The following TRPS1 variants were observed in gnomAD, a reference collection of about 807,000 sequenced individuals.
The protein encoded by TRPS1 is zinc finger transcription factor Trps1.
A neutral mutation model predicts 101.2 loss-of-function variants in TRPS1; 6 were observed. The ratio of observed to expected loss-of-function variants is 0.06; its 90% CI spans 0.03 to 0.12. The LOEUF (loss-of-function observed/expected upper bound fraction) is 0.12. Among genes scored for constraint, TRPS1 ranks in the 10% least tolerant of loss-of-function variants. The pLI is 1.00. For synonymous variants in TRPS1, 578 were observed against 589.8 expected, an observed-to-expected ratio of 0.98 and a Z score of 0.29; for missense variants, 1,363 against 1,567.0, an observed-to-expected ratio of 0.87 and a Z score of 2.20.
chr8:115,463,454 T>G (rs533382137), intron 5 of TRPS1, among the ~76,000 whole-genome samples: 4 of 152,190 alleles, frequency 2.6e-5, no homozygotes, highest in Non-Finnish European at 5.9e-5. Context: ...TCTAAATTCC[T>G]AGACACAACA....
intron 5 of TRPS1, among the ~76,000 whole-genome samples, chr8:115,503,789 G>A (rs1261323810): frequency 4.6e-5 from 7 of 152,154 alleles, no homozygotes; most frequent in Non-Finnish European, 1.0e-4. Context: ...TTATTTATGA[G>A]CTGATAGAAA....
chr8:115,563,935 T>C (rs1209532927), intron 5 of TRPS1, among the ~76,000 whole-genome samples: 1 of 152,066 alleles, frequency 6.6e-6, no homozygotes, highest in African/African-American at 2.4e-5. Context: ...TCTGCCACCG[T>C]TGGAAAAAAA....
rs1359621264 is a variant in TRPS1 at position 115,604,664 on chromosome 8, G to C, written c.1305C>G (p.Ser435=). ...TGGCCTCTGTACCATTTTGTCTAGA[G>C]GAATCGAGGGGCTTTATGGGCACTG... is the stretch of plus-strand genomic sequence containing the variant. The part of the protein sequence containing the change: ...GYSVPIKPLD[S]SRQNGTEATS... The change falls in exon 4 of 7, where the codon TCC becomes TCG. Residue 435 remains serine (S), a synonymous_variant. Transcript: ENST00000395715. The surrounding 1 kb of genome is among the most constrained non-coding windows in gnomAD (Gnocchi z 4.1). 1.2e-6 allele frequency: 2 copies of C among 1,613,856 alleles called. No homozygotes were observed. Among genetic ancestry groups the C allele is most frequent in the African/African-American group, 2.7e-5 (2 of 74,874 alleles).
chr8:115,580,658 C>A (rs1254681910), intron 5 of TRPS1, among the ~76,000 whole-genome samples: 1 of 152,116 alleles, frequency 6.6e-6, no homozygotes, highest in Non-Finnish European at 1.5e-5. Flanking sequence ...TAGCTGCAAA[C>A]CTACAGTCCA....
chr8:115,413,718 C>T lies in TRPS1; in HGVS notation c.*305G>A. ...CTCTTTCTTTATAAATATATTAATT[C>T]TAGTCTGGTGATATCTCTTATGGAT... On this transcript the variant is annotated 3_prime_UTR_variant, in exon 7 of 7. Transcript: ENST00000395715. The T allele has an allele frequency of 3.3e-6, 1 of 301,270 alleles. No individual in the cohort carries two copies. Among genetic ancestry groups the T allele is most frequent in the Non-Finnish European group, 6.2e-6 (1 of 162,068 alleles). 18.7% of individuals were successfully genotyped at this position (301,270 alleles called of 1,614,324 possible). A position where few individuals can be genotyped will look rare whatever the true frequency, so the allele number is the denominator to read the frequency against.
intron 5 of TRPS1, among the ~76,000 whole-genome samples, chr8:115,581,852 A>G (rs879647555): frequency 1.3e-5 from 2 of 152,200 alleles, no homozygotes; most frequent in Non-Finnish European, 2.9e-5. Context: ...AGTTTAAATC[A>G]TATATTTTTC....
intron 4 of TRPS1, among the ~76,000 whole-genome samples, chr8:115,602,227 A>G (rs1449617809): frequency 6.6e-6 from 1 of 152,146 alleles, no homozygotes; most frequent in African/African-American, 2.4e-5. Flanking sequence ...CTCATGATTA[A>G]AGAAAATCAT....
Position 115,418,556 on chromosome 8 carries a change from G to A in TRPS1, c.2701-104C>T. 2.7e-6 allele frequency: 4 copies of A among 1,503,036 alleles called. No individual in the cohort carries two copies. Among genetic ancestry groups the A allele is most frequent in the Non-Finnish European group, 3.7e-6 (4 of 1,083,292 alleles). 93.1% of individuals were successfully genotyped at this position (1,503,036 alleles called of 1,614,324 possible). A position where few individuals can be genotyped will look rare whatever the true frequency, so the allele number is the denominator to read the frequency against. On this transcript the variant is annotated intron_variant, in intron 5 of 6. Transcript: ENST00000395715. The surrounding 1 kb of genome is among the most constrained non-coding windows in gnomAD (Gnocchi z 4.3). ...TGTCTTTAAACTAGCAACAATGACA[G>A]TATAAAACCACACTGCCCATAATGA...
chr8:115,534,429 C>T (rs1816230344), intron 5 of TRPS1, among the ~76,000 whole-genome samples: 1 of 151,786 alleles, frequency 6.6e-6, no homozygotes, highest in Admixed American at 6.6e-5. Context: ...AACCGCAGTA[C>T]CATCACACTG....
At chr8:115,493,429 G>A (rs1014622102) in intron 5 of TRPS1, among the ~76,000 whole-genome samples, 2 of 151,972 alleles carry the variant, frequency 1.3e-5, no homozygotes, top group Non-Finnish European at 2.9e-5. Context: ...GGCTCACTGC[G>A]ACTTCTGCCT....
chr8:115,650,505 A>G (rs1811535546), intron 1 of TRPS1, among the ~76,000 whole-genome samples: 2 of 152,200 alleles, frequency 1.3e-5, no homozygotes, highest in Admixed American at 1.3e-4. Context: ...AATTTTCCAG[A>G]GCTGTTTAAA....
At chr8:115,470,643 GA>G (rs560921666) in intron 5 of TRPS1, among the ~76,000 whole-genome samples, 30 of 152,198 alleles carry the variant, frequency 2.0e-4, no homozygotes, top group African/African-American at 7.0e-4. Context: ...AGAAATGGAA[GA>G]ATCTTTCTAT....
Position 115,466,809 on chromosome 8 carries a change from T to C in TRPS1, c.2701-48357A>G, listed in dbSNP as rs1008875491. ...AAATAAAGCAATAAACTTTAACTCC[T>C]CAACTTTCATAATATTTTGACAGAT... On this transcript the variant is annotated intron_variant, in intron 5 of 6. Transcript: ENST00000395715. Among the ~76,000 whole-genome samples, 12 of 152,214 alleles carry C rather than the reference T, an allele frequency of 7.9e-5. 2 individuals are homozygous for C. In the East Asian group the frequency reaches 2.1e-3, roughly 27 times the overall value.
intron 5 of TRPS1, among the ~76,000 whole-genome samples, chr8:115,496,795 T>C (rs1815159867): frequency 6.6e-6 from 1 of 152,206 alleles, no homozygotes; most frequent in African/African-American, 2.4e-5. Flanking sequence ...GAAGTCCTGA[T>C]TAATATTTAT....
At chr8:115,664,408 A>C (rs974236718) in intron 1 of TRPS1, among the ~76,000 whole-genome samples, 2 of 152,126 alleles carry the variant, frequency 1.3e-5, no homozygotes, top group African/African-American at 4.8e-5. Flanking sequence ...GGGACTCAAA[A>C]ATTCCATAAA....
intron 1 of TRPS1, among the ~76,000 whole-genome samples, chr8:115,639,173 C>T (rs1362796987): frequency 7.9e-5 from 12 of 152,172 alleles, no homozygotes; most frequent in Admixed American, 7.9e-4. Context: ...AAGCAATTCT[C>T]CTGCTTCAGC....
At chr8:115,470,363 T>A (rs2130011970) in intron 5 of TRPS1, among the ~76,000 whole-genome samples, 1 of 152,356 alleles carries the variant, frequency 6.6e-6, no homozygotes, top group Admixed American at 6.5e-5. Flanking sequence ...CTTATCCTTG[T>A]ATTCCATTTA....
At chr8:115,428,322 CATCT>C (rs1361196137) in intron 5 of TRPS1, among the ~76,000 whole-genome samples, 2 of 152,168 alleles carry the variant, frequency 1.3e-5, no homozygotes, top group African/African-American at 2.4e-5. Flanking sequence ...TCATGTTCTT[CATCT>C]ATCTATGAAG....
intron 5 of TRPS1, among the ~76,000 whole-genome samples, chr8:115,505,240 T>C (rs150068984): frequency 6.6e-6 from 1 of 152,216 alleles, no homozygotes; most frequent in African/African-American, 2.4e-5. Flanking sequence ...CTACACCATG[T>C]TTGAAATATA....
Sources: allele counts gnomAD v4.1 joint callset (sites outside exome capture counted in the v4.1 genomes callset), GRCh38; gene constraint gnomAD v4.1.1; non-coding constraint Gnocchi (gnomAD v3.1); transcripts MANE v1.5; gene names NCBI Gene and HGNC (gene_info 2026-07-23, HGNC 2026-07-21).